CIMAP2: variants seen among roughly 807,000 people sequenced by gnomAD.
CIMAP2 encodes ciliary microtubule-associated protein 2.
At chr1:54,824,194 T>C in the CIMAP2 span, among the ~76,000 whole-genome samples, 14 of 152,134 alleles carry the variant, frequency 9.2e-5, no homozygotes, top group African/African-American at 3.1e-4. Context: ...GATATATATT[T>C]TTTTACTTTT....
chr1:54,823,657 T>C, the CIMAP2 span, among the ~76,000 whole-genome samples: 9 of 152,242 alleles, frequency 5.9e-5, no homozygotes, highest in Non-Finnish European at 1.2e-4. Flanking sequence ...TCCTCTTTTA[T>C]TGTTTACTTT....
chr1:54,828,475 G>A, the CIMAP2 span, among the ~76,000 whole-genome samples: 1 of 152,080 alleles, frequency 6.6e-6, no homozygotes, highest in African/African-American at 2.4e-5. Flanking sequence ...GGGACTACAG[G>A]CATGTGCCAC....
At chr1:54,832,013 A>G in the CIMAP2 span, among the ~76,000 whole-genome samples, 1 of 152,140 alleles carries the variant, frequency 6.6e-6, no homozygotes, top group Non-Finnish European at 1.5e-5. Flanking sequence ...CGCCCAACTA[A>G]TTGTTGTATT....
the CIMAP2 span, among the ~76,000 whole-genome samples, chr1:54,819,465 C>A: frequency 6.6e-6 from 1 of 152,222 alleles, no homozygotes; most frequent in South Asian, 2.1e-4. Context: ...AACTCCTGAG[C>A]CAAAGCAATC....
At chr1:54,818,007 T>C in the CIMAP2 span, among the ~76,000 whole-genome samples, 1 of 152,228 alleles carries the variant, frequency 6.6e-6, no homozygotes, top group Non-Finnish European at 1.5e-5. Context: ...AAATTCTAGG[T>C]TGGATATAAT....
the CIMAP2 span, among the ~76,000 whole-genome samples, chr1:54,827,566 CACTT>C: frequency 1.3e-5 from 2 of 152,186 alleles, no homozygotes. Flanking sequence ...CCATGTCTGC[CACTT>C]AGCTGCGTGA....
chr1:54,820,098 TTCTTTCTC>T, the CIMAP2 span, among the ~76,000 whole-genome samples: 151 of 50,926 alleles, frequency 3.0e-3, 1 homozygote, highest in African/African-American at 7.6e-3. Flanking sequence ...CCTTCTTTCT[TTCTTTCTC>T]TCTCTCTCTT....
At chr1:54,836,282 CGCCTGCCTGCCTGCCT>C in the CIMAP2 span, among the ~76,000 whole-genome samples, 39 of 150,626 alleles carry the variant, frequency 2.6e-4, no homozygotes, top group Admixed American at 1.8e-3. Flanking sequence ...CCTACCTGCC[CGCCTGCCTGCCTGCCT>C]GCCTGCCTGC....
the CIMAP2 span, among the ~76,000 whole-genome samples, chr1:54,815,617 G>A: frequency 3.3e-5 from 5 of 152,070 alleles, no homozygotes; most frequent in Admixed American, 1.3e-4. Flanking sequence ...TTTAGTTAGT[G>A]TTCTTGTAAA....
chr1:54,811,765 G>GCCGGGGGGGGGGGGGGGGGCCCCCCCC, the CIMAP2 span: 1 of 1,301,328 alleles, frequency 7.7e-7, no homozygotes, highest in Non-Finnish European at 1.1e-6. Flanking sequence ...GGTTCTGACA[G>GCCGGGGGGGGGGGGGGGGGCCCCCCCC]CCTCCATGCC....
chr1:54,808,615 G>GGGGGGGT, the CIMAP2 span, among the ~76,000 whole-genome samples: 1 of 138,720 alleles, frequency 7.2e-6, no homozygotes, highest in Non-Finnish European at 1.6e-5. Flanking sequence ...GTGCTGCCGG[G>GGGGGGGT]GGAGGGCAGT....
the CIMAP2 span, chr1:54,812,171 T>G: frequency 6.2e-7 from 1 of 1,614,086 alleles, no homozygotes; most frequent in Non-Finnish European, 8.5e-7. Flanking sequence ...CACTGCCTTA[T>G]GGGCACTACT....
the CIMAP2 span, chr1:54,806,108 A>G: frequency 6.6e-7 from 1 of 1,520,300 alleles, no homozygotes. Context: ...GGCAGCGCGC[A>G]GGCCTGCCAT....
At chr1:54,837,642 G>A in the CIMAP2 span, among the ~76,000 whole-genome samples, 6 of 152,170 alleles carry the variant, frequency 3.9e-5, no homozygotes, top group African/African-American at 7.2e-5. Flanking sequence ...ACTGGTTGGG[G>A]AGTAGTGGCC....
chr1:54,839,808 T>G, the CIMAP2 span, among the ~76,000 whole-genome samples: 1 of 152,156 alleles, frequency 6.6e-6, no homozygotes, highest in Non-Finnish European at 1.5e-5. Flanking sequence ...TAGAGCACAG[T>G]GGCATGAACA....
At chr1:54,820,651 A>G in the CIMAP2 span, among the ~76,000 whole-genome samples, 5 of 152,068 alleles carry the variant, frequency 3.3e-5, no homozygotes, top group East Asian at 1.9e-4. Context: ...ATATCCCTCA[A>G]TTGGGGTTTT....
At chr1:54,831,482 G>A in the CIMAP2 span, among the ~76,000 whole-genome samples, 2,215 of 152,028 alleles carry the variant, frequency 0.015, 61 homozygotes, top group African/African-American at 0.051. Flanking sequence ...GTGAAACCCC[G>A]TCTCTACTAA....
chr1:54,811,772 T>TTCCCCCCC, the CIMAP2 span: 8 of 454,862 alleles, frequency 1.8e-5, no homozygotes, highest in Non-Finnish European at 3.0e-5. Flanking sequence ...ACAGCCTCCA[T>TTCCCCCCC]GCCCCCACCC....
At chr1:54,812,414 C>A in the CIMAP2 span, among the ~76,000 whole-genome samples, 1 of 152,202 alleles carries the variant, frequency 6.6e-6, no homozygotes, top group Admixed American at 6.5e-5. Flanking sequence ...GGATTTGAAC[C>A]CAAGGACGTC....
Sources: gnomAD v4.1 joint callset for allele counts (sites outside exome capture counted in the v4.1 genomes callset) on GRCh38, gnomAD v4.1.1 for gene constraint, MANE v1.5 for transcripts, NCBI Gene and HGNC (gene_info 2026-07-23, HGNC 2026-07-21) for gene names.